PPM1H: variants seen among roughly 807,000 people sequenced by gnomAD.
The protein encoded by PPM1H is protein phosphatase, Mg2+/Mn2+ dependent 1H, also known as protein phosphatase 1H.
A neutral mutation model predicts 54.9 loss-of-function variants in PPM1H; 27 were observed. That is an observed-to-expected ratio of 0.49 (90% CI 0.36 to 0.68). The LOEUF is 0.68. Ranked by LOEUF, PPM1H falls within the 30% of genes least tolerant of loss-of-function variation. PPM1H has a pLI of 0.00. For synonymous variants in PPM1H, 305 were observed against 270.8 expected (o/e 1.13, Z -1.24); for missense variants, 596 against 667.8 (o/e 0.89, Z 1.19).
At chr12:62,838,407 AGGTAACCTCTTG>A (rs773184805) in intron 1 of PPM1H, among the ~76,000 whole-genome samples, 14 of 151,932 alleles carry the variant, frequency 9.2e-5, no homozygotes, top group Non-Finnish European at 1.6e-4. Context: ...TCTCTTTTCC[AGGTAACCTCTTG>A]GGCAATGTCT....
rs146630386 is a variant in PPM1H, at chr12:62,686,176, T to C, written c.1245+3523A>G. Among the ~76,000 whole-genome samples, 195 of 152,344 alleles carry C rather than the reference T, an allele frequency of 1.3e-3. 1 individual carries two copies. The East Asian group carries it at 0.031, about 24-fold the overall frequency. ...TTCTTACCGAGTTCTCAGGGACTCT[T>C]CCATGCAGGCCCAAGTTTTAAACCT... On this transcript the variant is annotated intron_variant, in intron 8 of 9. Transcript: ENST00000228705.
At chr12:62,864,910 AG>A (rs1869720918) in intron 1 of PPM1H, among the ~76,000 whole-genome samples, 1 of 152,218 alleles carries the variant, frequency 6.6e-6, no homozygotes, top group African/African-American at 2.4e-5. Flanking sequence ...AGGCCTCAAT[AG>A]ACTATTTTAG....
At chr12:62,783,738 A>AT (rs1377037629) in intron 4 of PPM1H, among the ~76,000 whole-genome samples, 1 of 152,248 alleles carries the variant, frequency 6.6e-6, no homozygotes, top group Admixed American at 6.5e-5. Flanking sequence ...CGCTATTACT[A>AT]TAAGTCTGGC....
At chr12:62,869,903 T>C (rs1869919433) in intron 1 of PPM1H, among the ~76,000 whole-genome samples, 1 of 152,160 alleles carries the variant, frequency 6.6e-6, no homozygotes, top group Non-Finnish European at 1.5e-5. Context: ...CTGACTTCTG[T>C]TCACTTTTTA....
chr12:62,924,912 G>A (rs575068516), intron 1 of PPM1H, among the ~76,000 whole-genome samples: 11 of 151,986 alleles, frequency 7.2e-5, no homozygotes, highest in South Asian at 2.1e-4. Context: ...GTGTGGTGGC[G>A]CATGCCTGTG....
At chr12:62,658,632 A>G (rs1472916198) in intron 9 of PPM1H, among the ~76,000 whole-genome samples, 2 of 152,148 alleles carry the variant, frequency 1.3e-5, no homozygotes, top group African/African-American at 4.8e-5. Context: ...AAGGAACCAG[A>G]GGACTGTGCA....
chr12:62,892,263 T>C (rs1055555131), intron 1 of PPM1H, among the ~76,000 whole-genome samples: 2 of 152,232 alleles, frequency 1.3e-5, no homozygotes, highest in Non-Finnish European at 2.9e-5. Flanking sequence ...GTTCTACGCT[T>C]CAACAACAGT....
chr12:62,718,441 A>G (rs2076247058), intron 6 of PPM1H, among the ~76,000 whole-genome samples: 2 of 152,116 alleles, frequency 1.3e-5, no homozygotes, highest in Admixed American at 6.5e-5. Flanking sequence ...GCCCTCCAAA[A>G]ACATCACTTT....
intron 1 of PPM1H, among the ~76,000 whole-genome samples, chr12:62,879,876 G>T (rs1271072550): frequency 1.3e-5 from 2 of 152,156 alleles, no homozygotes; most frequent in Non-Finnish European, 2.9e-5. Context: ...GGGAAGTTGG[G>T]TCAGCTTTAG....
chr12:62,720,144 C>T, intron 6 of PPM1H, 27 bp downstream of exon 6: 1 of 1,533,794 alleles, frequency 6.5e-7, no homozygotes, highest in Non-Finnish European at 9.0e-7. Flanking sequence ...CTGTGTGGTT[C>T]CGAGGCAGAG....
intron 2 of PPM1H, among the ~76,000 whole-genome samples, chr12:62,824,531 T>C (rs1301640337): frequency 6.6e-6 from 1 of 152,166 alleles, no homozygotes; most frequent in African/African-American, 2.4e-5. Flanking sequence ...CAAAACAGCA[T>C]GGTACTGGTA....
At chr12:62,786,779 C>T (rs2076674435) in intron 4 of PPM1H, among the ~76,000 whole-genome samples, 1 of 152,206 alleles carries the variant, frequency 6.6e-6, no homozygotes, top group Non-Finnish European at 1.5e-5. Context: ...ACATAGATAG[C>T]ATCTTACACA....
rs570704677 is a variant in PPM1H at position 62,719,551 on chromosome 12, C to G, written c.1073+620G>C. The stretch of plus-strand genomic sequence containing the variant: ...AGCTGAGGTCTTAGTCAACATTAGC[C>G]ACTGCTCCATCCTAGAAATGTTCTT... On this transcript the variant is annotated intron_variant, in intron 6 of 9. Coordinates refer to ENST00000228705, the MANE Select transcript of PPM1H (RefSeq NM_020700.2). 1.9e-4 allele frequency among the ~76,000 whole-genome samples: 29 copies of G among 152,240 alleles called. No individual in the cohort carries two copies. The South Asian group carries it at 5.6e-3, about 29-fold the overall frequency.
At chr12:62,778,578 G>A (rs527533790) in intron 4 of PPM1H, among the ~76,000 whole-genome samples, 1 of 152,096 alleles carries the variant, frequency 6.6e-6, no homozygotes, top group Non-Finnish European at 1.5e-5. Flanking sequence ...AGGGACAAAG[G>A]CACTGCTTCA....
intron 1 of PPM1H, among the ~76,000 whole-genome samples, chr12:62,848,834 G>A (rs1480389944): frequency 6.6e-6 from 1 of 151,996 alleles, no homozygotes; most frequent in Non-Finnish European, 1.5e-5. Context: ...ATGGAAAGGG[G>A]ATCCTAGTGA....
At chr12:62,910,808 G>A (rs2121138316) in intron 1 of PPM1H, among the ~76,000 whole-genome samples, 1 of 152,254 alleles carries the variant, frequency 6.6e-6, no homozygotes, top group South Asian at 2.1e-4. Context: ...CAAGCCATTG[G>A]AGCACCAGCC....
chr12:62,810,466 C>T (rs1285181264), intron 2 of PPM1H, among the ~76,000 whole-genome samples: 2 of 152,056 alleles, frequency 1.3e-5, no homozygotes, highest in African/African-American at 2.4e-5. Flanking sequence ...TCACTGTCTC[C>T]CTCTCTCTCT....
At chr12:62,699,641 G>C (rs566771996) in intron 6 of PPM1H, among the ~76,000 whole-genome samples, 7 of 152,288 alleles carry the variant, frequency 4.6e-5, no homozygotes, top group Non-Finnish European at 8.8e-5. Flanking sequence ...ATTTAAAAAG[G>C]CTGTCAACAC....
chr12:62,857,131 G>A (rs937244336), intron 1 of PPM1H, among the ~76,000 whole-genome samples: 13 of 152,270 alleles, frequency 8.5e-5, no homozygotes, highest in African/African-American at 2.4e-4. Flanking sequence ...CAGTGTGTGC[G>A]TGTGGTGGAG....
Sources: allele counts gnomAD v4.1 joint callset (sites outside exome capture counted in the v4.1 genomes callset), GRCh38; gene constraint gnomAD v4.1.1; transcripts MANE v1.5; gene names NCBI Gene and HGNC (gene_info 2026-07-23, HGNC 2026-07-21).